Variants in FCGR1A observed in about 807,000 individuals in gnomAD.
The protein encoded by FCGR1A is high affinity immunoglobulin gamma Fc receptor I.
FCGR1A carries 13 observed loss-of-function variants against 35.0 expected under a neutral mutation model. That is an observed-to-expected ratio of 0.37 (90% CI 0.24 to 0.59). The LOEUF (loss-of-function observed/expected upper bound fraction) is 0.59. FCGR1A is among the 20% of genes least tolerant of loss of function. The probability of loss-of-function intolerance (pLI) is 0.71; values close to 1 mark genes in which losing one functional copy is unlikely to be tolerated. For missense variants in FCGR1A, 227 were observed against 430.0 expected, an observed-to-expected ratio of 0.53 and a Z score of 4.17; for synonymous variants, 91 against 164.7, an observed-to-expected ratio of 0.55 and a Z score of 3.43.
At chr1:149,793,376 CGGGCAAGAAGGCTCCAGGCTCCGCA>C (rs2091761488), downstream of FCGR1A, among the ~76,000 whole-genome samples, 1 of 151,922 alleles carries the variant, frequency 6.6e-6, no homozygotes, top group African/African-American at 2.4e-5. Context: ...AGCAAGCCAG[CGGGCAAGAAGGCTCCAGGCTCCGCA>C]GGGGCCACCC....
chr1:149,786,957 A>G (rs1213975884), intron 3 of FCGR1A: 2 of 152,176 alleles, frequency 1.3e-5, no homozygotes, highest in East Asian at 3.8e-4. Context: ...TGAAAAGCAT[A>G]TGAATTTTCT....
chr1:149,795,527 T>TCCC (rs782416713), downstream of FCGR1A, among the ~76,000 whole-genome samples: 447 of 120,416 alleles, frequency 3.7e-3, 2 homozygotes, highest in Non-Finnish European at 5.8e-3. Flanking sequence ...CAGACACCCC[T>TCCC]CCCTTCCAGA....
intron 3 of FCGR1A, among the ~76,000 whole-genome samples, chr1:149,785,407 C>CCTTTTTTTTT (rs1553750700): frequency 1.3e-5 from 1 of 74,544 alleles, no homozygotes; most frequent in Non-Finnish European, 2.9e-5. Flanking sequence ...AGAGCTGTTT[C>CCTTTTTTTTT]GTTTTTTTTT....
chr1:149,797,717 C>T, the FCGR1A span, among the ~76,000 whole-genome samples: 1 of 152,126 alleles, frequency 6.6e-6, no homozygotes, highest in African/African-American at 2.4e-5. Context: ...CCTGCCTCGG[C>T]CTCCCTAGCA....
chr1:149,790,664 T>G (rs2091686269), intron 5 of FCGR1A, among the ~76,000 whole-genome samples: 1 of 146,160 alleles, frequency 6.8e-6, no homozygotes, highest in African/African-American at 2.5e-5. Context: ...TGACCCCCCC[T>G]TCTCTCTCTC....
downstream of FCGR1A, chr1:149,792,657 G>A: frequency 7.8e-7 from 1 of 1,276,632 alleles, no homozygotes; most frequent in Non-Finnish European, 1.0e-6. Flanking sequence ...GCCTGTATCT[G>A]GGGGCCGCAG....
downstream of FCGR1A, among the ~76,000 whole-genome samples, chr1:149,796,277 T>A (rs2091799359): frequency 6.6e-6 from 1 of 152,170 alleles, no homozygotes; most frequent in Non-Finnish European, 1.5e-5. Context: ...AGTAAAAGAT[T>A]CCCAGACATA....
chr1:149,793,294 G>A (rs587655189), downstream of FCGR1A: 12 of 1,190,954 alleles, frequency 1.0e-5, 1 homozygote, highest in Admixed American at 3.4e-5. Flanking sequence ...CCGCCTCCCC[G>A]TCCAGCTCGG....
At chr1:149,788,276 G>A in intron 3 of FCGR1A, 90 bp from the exon 4 acceptor site, 2 of 1,609,234 alleles carry the variant, frequency 1.2e-6, no homozygotes, top group South Asian at 1.1e-5. Flanking sequence ...GATGTTGCAA[G>A]GAGAAAAAAT....
intron 4 of FCGR1A, 35 bp from the exon 5 acceptor site, chr1:149,790,019 C>T: frequency 6.2e-7 from 1 of 1,611,714 alleles, no homozygotes; most frequent in Non-Finnish European, 8.5e-7. Flanking sequence ...GGATGCTAAA[C>T]AGGCAACCTT....
chr1:149,785,941 A>G lies in FCGR1A; in HGVS notation c.307+1684A>G, dbSNP rs2091538051. On this transcript the variant is annotated intron_variant, in intron 3 of 5. Transcript: ENST00000369168. ...TGTCTGGTTTATTTTTCTCAACATT[A>G]TGATTGTGAACTGTATACATGTTGT... 2.6e-5 allele frequency: 4 copies of G among 152,222 alleles called. No individual in the cohort carries two copies. In the South Asian group the frequency reaches 8.3e-4, roughly 32 times the overall value. The allele number at this position is 152,222 out of a possible 1,614,324, so 9.4% of individuals were successfully genotyped here.
At chr1:149,787,525 T>C (rs1470092697) in intron 3 of FCGR1A, 1 of 152,444 alleles carries the variant, frequency 6.6e-6, no homozygotes, top group East Asian at 1.9e-4. Context: ...CCCTTCTGTG[T>C]GTTTGTCTTA....
chr1:149,793,853 G>A (rs1163377184), downstream of FCGR1A: 241 of 1,266,664 alleles, frequency 1.9e-4, no homozygotes, highest in Non-Finnish European at 2.3e-4. Flanking sequence ...AATCCCCAAA[G>A]CAGACCAACC....
chr1:149,796,943 C>T, the FCGR1A span, among the ~76,000 whole-genome samples: 28 of 152,226 alleles, frequency 1.8e-4, no homozygotes, highest in Non-Finnish European at 2.9e-4. Flanking sequence ...GACAGAGTTT[C>T]GTTGTGTCAC....
rs2091702945 is a variant in FCGR1A at position 149,791,227 on chromosome 1, T to G, written c.845-10T>G. 1 of 1,605,826 alleles carries G rather than the reference T, an allele frequency of 6.2e-7. No homozygotes were observed. The highest frequency in any genetic ancestry group is 1.3e-5 in the African/African-American group (1 of 74,414). ...ATAGTATCTCTTCTCTTTGTCTTTT[T>G]CTGTTTCAGGCCTCCAGTTACCAAC... On this transcript the variant is annotated splice_polypyrimidine_tract_variant and intron_variant, in intron 5 of 5. Transcript: ENST00000369168.
downstream of FCGR1A, among the ~76,000 whole-genome samples, chr1:149,796,034 C>G (rs587747109): frequency 1.2e-3 from 180 of 151,874 alleles, no homozygotes; most frequent in Non-Finnish European, 4.0e-4. Context: ...TAGGTACAGA[C>G]TTCTTTGTTA....
Position 149,788,378 on chromosome 1 carries a change from T to C in FCGR1A, c.320T>C (p.Leu107Pro). ...TCATATTTTTCAGGCTGGCTACTACTGCAGGTCTCCAGCAGAGTCTTCACG... is the reference window on the plus strand; with the variant it reads ...TCATATTTTTCAGGCTGGCTACTACCGCAGGTCTCCAGCAGAGTCTTCACG... ...QLEIHRGWLL[L>P]QVSSRVFTEG... The change falls in exon 4 of 6, where the codon CTG becomes CCG. Residue 107 changes from leucine to proline, a missense_variant. Physicochemically the swap from Leu to Pro is moderately conservative, Grantham distance 98 (BLOSUM62 -3). Transcript: ENST00000369168. 1 of 1,612,966 alleles carries C rather than the reference T, an allele frequency of 6.2e-7. No individual in the cohort carries two copies. Among genetic ancestry groups the C allele is most frequent in the South Asian group, 1.1e-5 (1 of 91,028 alleles).
intron 5 of FCGR1A, 75 bp downstream of exon 5, chr1:149,790,413 C>T (rs1242111264): frequency 1.9e-6 from 3 of 1,548,278 alleles, no homozygotes; most frequent in Non-Finnish European, 2.6e-6. Context: ...GAGGTTTGTT[C>T]AAGGGTTTTT....
rs1432436179 is a variant in FCGR1A, at chr1:149,788,351, G to A, written c.308-15G>A. The stretch of plus-strand genomic sequence containing the variant: ...CCTCCACTGTATACATACATTTTGG[G>A]TTCATATTTTTCAGGCTGGCTACTA... On this transcript the variant is annotated splice_polypyrimidine_tract_variant and intron_variant, in intron 3 of 5. Coordinates refer to ENST00000369168, the MANE Select transcript of FCGR1A (RefSeq NM_000566.4). The A allele has an allele frequency of 5.0e-6, 8 of 1,612,160 alleles. No individual in the cohort carries two copies. Among genetic ancestry groups the A allele is most frequent in the African/African-American group, 1.3e-5 (1 of 74,972 alleles).
Sources: allele counts gnomAD v4.1 joint callset (sites outside exome capture counted in the v4.1 genomes callset), GRCh38; gene constraint gnomAD v4.1.1; transcripts MANE v1.5; gene names NCBI Gene and HGNC (gene_info 2026-07-23, HGNC 2026-07-21).